The following PSMB7 variants were observed in gnomAD, a reference collection of about 807,000 sequenced individuals.
The protein encoded by PSMB7 is proteasome 20S subunit beta 7, also known as proteasome subunit beta type-7.
Under a neutral mutation model 28.1 loss-of-function variants are expected in PSMB7, and 5 were observed. That is an observed-to-expected ratio of 0.18 (90% CI 0.09 to 0.37). The LOEUF (loss-of-function observed/expected upper bound fraction) is 0.37. Ranked by LOEUF, PSMB7 falls within the 10% of genes least tolerant of loss-of-function variation. PSMB7 has a pLI of 1.00. For synonymous variants in PSMB7, 122 were observed against 123.7 expected, an observed-to-expected ratio of 0.99 and a Z score of 0.09; for missense variants, 275 against 346.2, an observed-to-expected ratio of 0.79 and a Z score of 1.63.
chr9:124,360,479 C>G (rs7047609), intron 6 of PSMB7, among the ~76,000 whole-genome samples: 12,526 of 152,304 alleles, frequency 0.082, 1,103 homozygotes, highest in East Asian at 0.45. Context: ...GTGCGATGCT[C>G]TCTCCCACAG....
In PSMB7 at chr9:124,405,338, T is replaced by C. The variant is rs1274425213; in HGVS notation, c.490A>G (p.Lys164Glu). ...TCACCCATGGTGACATAAGGCAACT[T>C]ATCAGTTGATCCATGAGGATAGATG... is the stretch of plus-strand genomic sequence containing the variant. ...YSIYPHGSTDKLPYVTMGSGS... is the reference protein window; with the variant it reads ...YSIYPHGSTDELPYVTMGSGS... Residue 164 changes from lysine to glutamate, a missense_variant, in exon 5 of 8, where the codon AAG (lysine) becomes GAG (glutamate). Lys to Glu is a moderately conservative substitution (Grantham distance 56). Transcript: ENST00000259457. 6.2e-7 allele frequency: 1 copy of C among 1,611,518 alleles called. No individual in the cohort carries two copies. The highest frequency in any genetic ancestry group is 1.7e-5 in the Admixed American group (1 of 59,968).
At chr9:124,394,945 T>G (rs1261229670) in intron 5 of PSMB7, among the ~76,000 whole-genome samples, 1 of 152,174 alleles carries the variant, frequency 6.6e-6, no homozygotes, top group African/African-American at 2.4e-5. Context: ...ATTTTAAATC[T>G]TCTAAAATGC....
intron 5 of PSMB7, among the ~76,000 whole-genome samples, chr9:124,385,378 C>A (rs571936142): frequency 6.6e-6 from 1 of 152,328 alleles, no homozygotes; most frequent in African/African-American, 2.4e-5. Context: ...TTTATCCCTA[C>A]AAAAGTAGGA....
chr9:124,395,949 A>G (rs1830836507), intron 5 of PSMB7, among the ~76,000 whole-genome samples: 1 of 152,208 alleles, frequency 6.6e-6, no homozygotes. Context: ...GCCCACGGAG[A>G]GCAGGGACAC....
In PSMB7 at chr9:124,356,404, G is replaced by A. The variant is rs1338570632; in HGVS notation, c.722+360C>T. On this transcript the variant is annotated intron_variant, in intron 7 of 7. Coordinates refer to ENST00000259457, the MANE Select transcript of PSMB7 (RefSeq NM_002799.4). This position sits in a 1 kb window ranked among gnomAD's most constrained non-coding sequence, Gnocchi z 4.4. Reference sequence around the variant, plus strand: ...TTAGGAATCTCGGGGCACTCTGAGGGAAAGTGCTGGGGCTGCCCTGAAAAA... The same window carrying A: ...TTAGGAATCTCGGGGCACTCTGAGGAAAAGTGCTGGGGCTGCCCTGAAAAA... Among the ~76,000 whole-genome samples the A allele has an allele frequency of 6.6e-6, 1 of 152,154 alleles. No individual in the cohort carries two copies. Among genetic ancestry groups the A allele is most frequent in the African/African-American group, 2.4e-5 (1 of 41,436 alleles).
At chr9:124,370,223 C>CTT (rs34812724) in intron 6 of PSMB7, among the ~76,000 whole-genome samples, 1 of 144,460 alleles carries the variant, frequency 6.9e-6, no homozygotes, top group Admixed American at 6.9e-5. Context: ...GAAAGAGCAC[C>CTT]TTTTTTTTTT....
Position 124,411,314 on chromosome 9 carries a change from T to C in PSMB7, c.395+1038A>G, listed in dbSNP as rs141225018. On this transcript the variant is annotated intron_variant, in intron 4 of 7. Coordinates refer to ENST00000259457, the MANE Select transcript of PSMB7 (RefSeq NM_002799.4). ...TTCAAATCTCCCCATTTACAATTGTTAGCCACTATTTAAAAAGAAAAAAAG... is the reference window on the plus strand; with the variant it reads ...TTCAAATCTCCCCATTTACAATTGTCAGCCACTATTTAAAAAGAAAAAAAG... Among the ~76,000 whole-genome samples, 265 of 152,334 alleles carry C rather than the reference T, an allele frequency of 1.7e-3. 1 individual carries two copies. Among genetic ancestry groups the C allele is most frequent in the African/African-American group, 6.1e-3 (252 of 41,568 alleles).
chr9:124,397,991 A>C (rs181911321), intron 5 of PSMB7, among the ~76,000 whole-genome samples: 38 of 152,248 alleles, frequency 2.5e-4, no homozygotes, highest in African/African-American at 6.7e-4. Flanking sequence ...AACACGGTGA[A>C]ACCCCGTCTC....
chr9:124,390,304 T>C (rs1830771418), intron 5 of PSMB7, among the ~76,000 whole-genome samples: 1 of 152,196 alleles, frequency 6.6e-6, no homozygotes, highest in South Asian at 2.1e-4. Flanking sequence ...TTGGAAATCA[T>C]ACAGCTATAC....
intron 5 of PSMB7, among the ~76,000 whole-genome samples, chr9:124,388,652 G>C (rs149506385): frequency 1.2e-3 from 177 of 152,228 alleles, no homozygotes; most frequent in Non-Finnish European, 2.0e-3. Context: ...GAGAGGACAC[G>C]CAAGACCTTC....
intron 6 of PSMB7, among the ~76,000 whole-genome samples, chr9:124,362,786 C>T (rs560895758): frequency 6.6e-6 from 1 of 152,262 alleles, no homozygotes; most frequent in East Asian, 1.9e-4. Flanking sequence ...TGCCATTCCA[C>T]AATGTACACA....
In PSMB7 at chr9:124,386,995, C is replaced by T. The variant is rs145355743; in HGVS notation, c.512-2339G>A. 1.7e-3 allele frequency among the ~76,000 whole-genome samples: 254 copies of T among 152,168 alleles called. 1 individual carries two copies. The highest frequency in any genetic ancestry group is 5.8e-3 in the African/African-American group (240 of 41,538). Reference sequence around the variant, plus strand: ...GGCGCGGTGGCTCACGCCTGTAATCCCAGAACTTTGGGAGGCCGAGGTGGG... The same window carrying T: ...GGCGCGGTGGCTCACGCCTGTAATCTCAGAACTTTGGGAGGCCGAGGTGGG... On this transcript the variant is annotated intron_variant, in intron 5 of 7. Coordinates refer to ENST00000259457, the MANE Select transcript of PSMB7 (RefSeq NM_002799.4).
chr9:124,414,071 T>C (rs1831059460), intron 2 of PSMB7, 66 bp from the exon 3 acceptor site: 15 of 1,037,190 alleles, frequency 1.4e-5, no homozygotes, highest in Non-Finnish European at 1.6e-5. Context: ...TCTATTCTAC[T>C]TTAGGGAATA....
At position 124,415,406 on chromosome 9, in the gene PSMB7, T is replaced by A. The variant is rs755710963; in HGVS notation, c.20A>T (p.Tyr7Phe). 6.8e-6 allele frequency: 11 copies of A among 1,614,096 alleles called. No homozygotes were observed. The Admixed American group carries it at 1.8e-4, about 27-fold the overall frequency. The change falls in exon 1 of 8, where the codon TAT becomes TTT. Residue 7 changes from tyrosine to phenylalanine, a missense_variant. By Grantham distance (22) the Tyr-to-Phe change is conservative. Around this residue, in one of 2 missense-constraint regions of PSMB7, gnomAD observed 62 missense variants for 43.9 expected, o/e 1.41. Transcript: ENST00000259457. Reference sequence around the variant, plus strand: ...AGAGAAGCCTCCAACTGGTGGAGCATACACCGACACAGCCGCCATCTTCCC... The same window carrying A: ...AGAGAAGCCTCCAACTGGTGGAGCAAACACCGACACAGCCGCCATCTTCCC... Reference protein sequence around the residue: MAAVSVYAPPVGGFSFD... With the variant: MAAVSVFAPPVGGFSFD...
intron 5 of PSMB7, among the ~76,000 whole-genome samples, chr9:124,385,569 G>A (rs1456987643): frequency 6.6e-6 from 1 of 152,224 alleles, no homozygotes; most frequent in Admixed American, 6.5e-5. Context: ...AGAGGATAGA[G>A]TTGCCCACAA....
chr9:124,403,601 C>T (rs969317307), intron 5 of PSMB7, among the ~76,000 whole-genome samples: 1 of 151,856 alleles, frequency 6.6e-6, no homozygotes, highest in Admixed American at 6.6e-5. Context: ...AGAGAGGGGG[C>T]AAAAAAATAA....
chr9:124,387,722 G>A (rs1417273395), intron 5 of PSMB7, among the ~76,000 whole-genome samples: 2 of 152,140 alleles, frequency 1.3e-5, no homozygotes, highest in East Asian at 3.8e-4. Flanking sequence ...GAAGTGTTTG[G>A]AGATAGAAAA....
chr9:124,356,751 C>A lies in PSMB7; in HGVS notation c.722+13G>T. ...CCAGGGGACCCAGGAAGAACTTCGT[C>A]TCCTTCACTCACCTGGTCCCCTTCT... On this transcript the variant is annotated intron_variant, in intron 7 of 7. Transcript: ENST00000259457. This position sits in a 1 kb window ranked among gnomAD's most constrained non-coding sequence, Gnocchi z 4.4. 3 of 1,604,758 alleles carry A rather than the reference C, an allele frequency of 1.9e-6. No individual in the cohort carries two copies. Among genetic ancestry groups the A allele is most frequent in the Non-Finnish European group, 2.6e-6 (3 of 1,173,346 alleles).
chr9:124,397,468 C>T (rs1490545135), intron 5 of PSMB7, among the ~76,000 whole-genome samples: 1 of 152,184 alleles, frequency 6.6e-6, no homozygotes. Flanking sequence ...GTTAAAGATG[C>T]GCAAGACAAG....
Sources: gnomAD v4.1 joint callset for allele counts (sites outside exome capture counted in the v4.1 genomes callset) on GRCh38, gnomAD v4.1.1 for gene constraint, gnomAD v4.1.1 regional missense constraint, Gnocchi (gnomAD v3.1) non-coding constraint, MANE v1.5 for transcripts, NCBI Gene and HGNC (gene_info 2026-07-23, HGNC 2026-07-21) for gene names.